The following ADARB2 variants were observed in gnomAD, a reference collection of about 807,000 sequenced individuals.
ADARB2 encodes inactive double-stranded RNA-specific editase B2.
A neutral mutation model predicts 62.2 loss-of-function variants in ADARB2; 25 were observed. The observed-to-expected ratio is 0.40, with a 90% CI of 0.29 to 0.56. ADARB2 has a LOEUF of 0.56. Among genes scored for constraint, ADARB2 ranks in the 20% least tolerant of loss-of-function variants. The probability of loss-of-function intolerance (pLI) is 0.43; values close to 1 mark genes in which losing one functional copy is unlikely to be tolerated. For synonymous variants in ADARB2, 572 were observed against 500.8 expected (o/e 1.14, Z -1.90); for missense variants, 1,071 against 1,077.4 (o/e 0.99, Z 0.08).
chr10:1,483,451 G>C (rs970207952), intron 1 of ADARB2, among the ~76,000 whole-genome samples: 1 of 152,182 alleles, frequency 6.6e-6, no homozygotes, highest in African/African-American at 2.4e-5. Flanking sequence ...TGGTACAGTC[G>C]TTTCGTCCTA....
rs1481931313 is a variant in ADARB2, at chr10:1,210,171, T to G, written c.1682+6780A>C. Among the ~76,000 whole-genome samples, 3 of 152,234 alleles carry G rather than the reference T, an allele frequency of 2.0e-5. No homozygotes were observed. In the East Asian group the frequency reaches 5.8e-4, roughly 29 times the overall value. ...ATCTTTTGATACAAAAGATCATTTT[T>G]CATTGATATCAAAGGGAAATTGCAA... is the stretch of plus-strand genomic sequence containing the variant. On this transcript the variant is annotated intron_variant, in intron 7 of 9. Coordinates refer to ENST00000381312, the MANE Select transcript of ADARB2 (RefSeq NM_018702.4).
At chr10:1,248,472 C>T (rs192202635) in intron 4 of ADARB2, among the ~76,000 whole-genome samples, 40 of 152,376 alleles carry the variant, frequency 2.6e-4, no homozygotes, top group African/African-American at 8.9e-4. Context: ...TGCGACGTGT[C>T]AGTCATGAGC....
intron 1 of ADARB2, among the ~76,000 whole-genome samples, chr10:1,735,844 GCTGA>G (rs1356633674): frequency 1.3e-5 from 2 of 152,206 alleles, no homozygotes; most frequent in African/African-American, 4.8e-5. Flanking sequence ...ATTTATGCCT[GCTGA>G]CTGTCTGGAT....
intron 1 of ADARB2, among the ~76,000 whole-genome samples, chr10:1,687,821 A>T (rs1034351148): frequency 1.3e-5 from 2 of 151,996 alleles, no homozygotes; most frequent in African/African-American, 4.8e-5. Flanking sequence ...GGGGGGGAAA[A>T]CCACCCACCA....
chr10:1,258,587 CAAG>C (rs1266334487), intron 4 of ADARB2, among the ~76,000 whole-genome samples: 3 of 152,190 alleles, frequency 2.0e-5, no homozygotes, highest in African/African-American at 4.8e-5. Context: ...ATCAATTCAA[CAAG>C]AAGAACTAAC....
intron 4 of ADARB2, among the ~76,000 whole-genome samples, chr10:1,268,857 T>C (rs1287076066): frequency 6.6e-6 from 1 of 152,246 alleles, no homozygotes; most frequent in African/African-American, 2.4e-5. Flanking sequence ...ACATAAAGCA[T>C]TGTATTCACT....
intron 1 of ADARB2, among the ~76,000 whole-genome samples, chr10:1,670,600 C>T (rs1407329434): frequency 1.3e-5 from 2 of 152,216 alleles, no homozygotes; most frequent in African/African-American, 2.4e-5. Context: ...AGCCCTGCCA[C>T]ACTTGACTCA....
chr10:1,683,867 G>A (rs1472919431), intron 1 of ADARB2, among the ~76,000 whole-genome samples: 1 of 152,244 alleles, frequency 6.6e-6, no homozygotes. Context: ...CCGGATGTGA[G>A]GGGTGGACTC....
At chr10:1,549,892 C>G (rs1413101227) in intron 1 of ADARB2, among the ~76,000 whole-genome samples, 1 of 152,136 alleles carries the variant, frequency 6.6e-6, no homozygotes. Flanking sequence ...GGGTCTGCAG[C>G]GTGAGATTAG....
chr10:1,461,793 A>G (rs769916864), intron 1 of ADARB2, among the ~76,000 whole-genome samples: 1 of 152,090 alleles, frequency 6.6e-6, no homozygotes, highest in East Asian at 1.9e-4. Context: ...TGAGACCAGG[A>G]GTTTAAGACC....
rs1206679996 is a variant in ADARB2, at chr10:1,255,476, T to A, written c.1193-13177A>T. Among the ~76,000 whole-genome samples, 1 of 152,230 alleles carries A rather than the reference T, an allele frequency of 6.6e-6. No homozygotes were observed. Among genetic ancestry groups the A allele is most frequent in the Non-Finnish European group, 1.5e-5 (1 of 68,040 alleles). On this transcript the variant is annotated intron_variant, in intron 4 of 9. Coordinates refer to ENST00000381312, the MANE Select transcript of ADARB2 (RefSeq NM_018702.4). The surrounding 1 kb of genome is among the most constrained non-coding windows in gnomAD (Gnocchi z 4.7). ...AGGCATTGAGAGAGCCCAGAAACCA[T>A]GCCAGGCTGACGCTGGCTGCTGTCC...
intron 1 of ADARB2, among the ~76,000 whole-genome samples, chr10:1,725,457 G>T (rs1304447134): frequency 6.6e-6 from 1 of 152,154 alleles, no homozygotes; most frequent in Non-Finnish European, 1.5e-5. Context: ...AAAAACACTC[G>T]CAAGTGAGTC....
intron 3 of ADARB2, among the ~76,000 whole-genome samples, chr10:1,315,214 G>A (rs1338854801): frequency 6.6e-6 from 1 of 152,164 alleles, no homozygotes; most frequent in African/African-American, 2.4e-5. Flanking sequence ...AGATCAGGAG[G>A]CAGCTCCGGA....
At chr10:1,243,332 C>T (rs367634638) in intron 4 of ADARB2, among the ~76,000 whole-genome samples, 270 of 152,354 alleles carry the variant, frequency 1.8e-3, no homozygotes, top group African/African-American at 6.0e-3. Context: ...AATACACGTC[C>T]GGACCATTTC....
chr10:1,704,838 T>C lies in ADARB2; in HGVS notation c.100+32213A>G, dbSNP rs959229363. ...GAGTATTGAGAACGGTGAGCTTGCA[T>C]ATGCCAGCCTGAGCCTCCACTCTCT... is the stretch of plus-strand genomic sequence containing the variant. On this transcript the variant is annotated intron_variant, in intron 1 of 9. Coordinates refer to ENST00000381312, the MANE Select transcript of ADARB2 (RefSeq NM_018702.4). This position sits in a 1 kb window ranked among gnomAD's most constrained non-coding sequence, Gnocchi z 5.6. Among the ~76,000 whole-genome samples the C allele has an allele frequency of 1.3e-5, 2 of 152,182 alleles. No individual in the cohort carries two copies. Among genetic ancestry groups the C allele is most frequent in the African/African-American group, 2.4e-5 (1 of 41,436 alleles).
chr10:1,352,748 G>A (rs1286398080), intron 3 of ADARB2, among the ~76,000 whole-genome samples: 1 of 152,058 alleles, frequency 6.6e-6, no homozygotes, highest in Non-Finnish European at 1.5e-5. Context: ...CTTACTCTTT[G>A]TTGAGTCTCC....
intron 4 of ADARB2, among the ~76,000 whole-genome samples, chr10:1,268,355 TAAA>T (rs1231998894): frequency 5.3e-5 from 8 of 152,230 alleles, no homozygotes; most frequent in African/African-American, 9.6e-5. Flanking sequence ...TTGATAAAAA[TAAA>T]AACTTCTGTT....
At chr10:1,462,643 C>A (rs1320550794) in intron 1 of ADARB2, among the ~76,000 whole-genome samples, 3 of 141,530 alleles carry the variant, frequency 2.1e-5, no homozygotes, top group Non-Finnish European at 3.1e-5. Flanking sequence ...GTGTATGTGC[C>A]TGTGTGTATG....
intron 1 of ADARB2, among the ~76,000 whole-genome samples, chr10:1,693,410 C>T (rs1053632623): frequency 1.1e-4 from 17 of 152,106 alleles, no homozygotes; most frequent in Admixed American, 3.3e-4. Context: ...CCACCTGGAG[C>T]GCTGTCATCT....
Sources: gnomAD v4.1 joint callset for allele counts (sites outside exome capture counted in the v4.1 genomes callset) on GRCh38, gnomAD v4.1.1 for gene constraint, Gnocchi (gnomAD v3.1) non-coding constraint, MANE v1.5 for transcripts, NCBI Gene and HGNC (gene_info 2026-07-23, HGNC 2026-07-21) for gene names.